Variants in CAPN5 observed in about 807,000 individuals in gnomAD.
The protein encoded by CAPN5 is calpain 5.
CAPN5 carries 54 observed loss-of-function variants against 73.0 expected under a neutral mutation model. That is an observed-to-expected ratio of 0.74 (90% CI 0.59 to 0.93). The LOEUF (loss-of-function observed/expected upper bound fraction) is 0.93. Among genes scored for constraint, CAPN5 ranks in the 40% least tolerant of loss-of-function variants. The pLI is 0.00. For synonymous variants in CAPN5, 335 were observed against 356.9 expected (o/e 0.94, Z 0.69); for missense variants, 785 against 882.9 (o/e 0.89, Z 1.41).
intron 1 of CAPN5, among the ~76,000 whole-genome samples, chr11:77,082,111 G>A (rs1367694993): frequency 6.6e-6 from 1 of 152,052 alleles, no homozygotes; most frequent in Non-Finnish European, 1.5e-5. Context: ...GTGTTAACAG[G>A]TGCTGTCCCA....
intron 2 of CAPN5, chr11:77,087,801 G>C (rs1950104388): frequency 8.7e-7 from 1 of 1,153,458 alleles, no homozygotes; most frequent in Non-Finnish European, 1.2e-6. Flanking sequence ...TGGGGACCTA[G>C]AGCCACCTTG....
At chr11:77,100,807 T>G (rs558457593) in intron 3 of CAPN5, among the ~76,000 whole-genome samples, 2 of 152,346 alleles carry the variant, frequency 1.3e-5, no homozygotes, top group Admixed American at 6.5e-5. Flanking sequence ...TGTGTCCATG[T>G]GGCTAACGTC....
At position 77,071,683 on chromosome 11, in the gene CAPN5, G is replaced by A. The variant is rs1294493759; in HGVS notation, c.-36+4589G>A. 2.2e-5 allele frequency: 10 copies of A among 448,450 alleles called. No individual in the cohort carries two copies. The Admixed American group carries it at 2.4e-4, about 11-fold the overall frequency. 27.8% of individuals were successfully genotyped at this position (448,450 alleles called of 1,614,324 possible). ...CCTCAGTCTCCCCATCTGAGGACGG[G>A]TATGTGGACAGGATGTTGCCCAGCC... On this transcript the variant is annotated intron_variant, in intron 1 of 12. Transcript: ENST00000648180.
intron 1 of CAPN5, among the ~76,000 whole-genome samples, chr11:77,072,839 C>A (rs1259965273): frequency 1.3e-5 from 2 of 152,168 alleles, no homozygotes; most frequent in African/African-American, 2.4e-5. Context: ...TGGTGATAAA[C>A]CCGCCAGATT....
At chr11:77,110,303 G>A (rs538344295) in intron 3 of CAPN5, among the ~76,000 whole-genome samples, 1 of 152,254 alleles carries the variant, frequency 6.6e-6, no homozygotes, top group East Asian at 1.9e-4. Context: ...TGTTGGCCAG[G>A]CTGGTATCGA....
intron 3 of CAPN5, among the ~76,000 whole-genome samples, chr11:77,098,317 G>A (rs1950237555): frequency 2.0e-5 from 2 of 101,600 alleles, no homozygotes; most frequent in Non-Finnish European, 4.2e-5. Flanking sequence ...GCAGCTGGCC[G>A]GGCGGGGGGC....
chr11:77,096,386 G>A (rs1362596059), intron 3 of CAPN5, among the ~76,000 whole-genome samples: 1 of 152,186 alleles, frequency 6.6e-6, no homozygotes, highest in Non-Finnish European at 1.5e-5. Flanking sequence ...CCAGTGCCCA[G>A]GGTCGTGGAG....
chr11:77,109,355 G>A (rs1565273457), intron 3 of CAPN5, among the ~76,000 whole-genome samples: 1 of 152,076 alleles, frequency 6.6e-6, no homozygotes, highest in Non-Finnish European at 1.5e-5. Context: ...TACAGAGACA[G>A]GATAAATTTC....
intron 1 of CAPN5, among the ~76,000 whole-genome samples, chr11:77,067,632 C>CTTGTGTGTGTGTGTGTGTGT (rs376037197): frequency 1.6e-5 from 2 of 126,638 alleles, no homozygotes; most frequent in African/African-American, 6.4e-5. Flanking sequence ...GGCGGGCGCA[C>CTTGTGTGTGTGTGTGTGTGT]GTGTGTGTGT....
rs782018659 is a variant in CAPN5, at chr11:77,112,575, C to T, written c.298-14C>T. On this transcript the variant is annotated splice_polypyrimidine_tract_variant and intron_variant, in intron 3 of 12. Transcript: ENST00000648180. ...ACTGTGTTCCCCCATCCTATCCCCC[C>T]TCCCCCTACCCAGGTCATCCCAGAC... 4.3e-6 allele frequency: 7 copies of T among 1,610,056 alleles called. No individual in the cohort carries two copies. The highest frequency in any genetic ancestry group is 3.3e-5 in the South Asian group (3 of 90,996).
At chr11:77,081,399 T>C (rs1304153895) in intron 1 of CAPN5, among the ~76,000 whole-genome samples, 1 of 152,190 alleles carries the variant, frequency 6.6e-6, no homozygotes, top group African/African-American at 2.4e-5. Flanking sequence ...TGGCCTTATG[T>C]CTGTTGGCTA....
chr11:77,115,283 T>C (rs2135478804), intron 5 of CAPN5, 112 bp from the exon 6 acceptor site: 1 of 790,948 alleles, frequency 1.3e-6, no homozygotes, highest in South Asian at 1.8e-5. Context: ...ATGACTGCAA[T>C]TCCCATCCCA....
rs781941864 is a variant in CAPN5, at chr11:77,118,139, G to A, written c.972-18G>A. The A allele has an allele frequency of 1.2e-6, 2 of 1,603,010 alleles. No homozygotes were observed. The highest frequency in any genetic ancestry group is 1.7e-6 in the Non-Finnish European group (2 of 1,173,360). Reference sequence around the variant, plus strand: ...AGGTGTGGGGGAGGTACCCTGCTCAGCCCCTCCCCACATCCAGGATGACCT... The same window carrying A: ...AGGTGTGGGGGAGGTACCCTGCTCAACCCCTCCCCACATCCAGGATGACCT... On this transcript the variant is annotated intron_variant, in intron 7 of 12. Transcript: ENST00000648180.
At chr11:77,098,419 A>T (rs1555037996) in intron 3 of CAPN5, among the ~76,000 whole-genome samples, 11 of 97,568 alleles carry the variant, frequency 1.1e-4, no homozygotes, top group East Asian at 5.4e-4. Flanking sequence ...CTGGCCGGGC[A>T]GAGGGGCTCC....
chr11:77,119,122 G>A lies in CAPN5; in HGVS notation c.1260G>A (p.Glu420=), dbSNP rs80202956. The part of the protein sequence containing the change: ...KRSTRREGKG[E]NLAIGFDIYK... ...CTACGCGCCGGGAGGGCAAGGGTGA[G>A]AACCTGGCCATTGGCTTTGACATCT... Residue 420 remains glutamate, a synonymous_variant, in exon 9 of 13, where the codon GAG becomes GAA. Coordinates refer to ENST00000648180, the MANE Select transcript of CAPN5 (RefSeq NM_004055.5). The A allele has an allele frequency of 2.5e-6, 4 of 1,613,490 alleles. No homozygotes were observed. Among genetic ancestry groups the A allele is most frequent in the Admixed American group, 1.7e-5 (1 of 59,996 alleles).
At chr11:77,074,046 C>A (rs7126345) in intron 1 of CAPN5, among the ~76,000 whole-genome samples, 93,434 of 152,136 alleles carry the variant, frequency 0.61, 28,921 homozygotes, top group Middle Eastern at 0.68. Context: ...AAGAGACATG[C>A]TTTAAGCATC....
At chr11:77,106,840 G>T (rs1161941938) in intron 3 of CAPN5, among the ~76,000 whole-genome samples, 1 of 152,244 alleles carries the variant, frequency 6.6e-6, no homozygotes, top group Non-Finnish European at 1.5e-5. Context: ...AGCAGGCGCA[G>T]GGCGGAGGGG....
chr11:77,072,979 C>G, intron 1 of CAPN5: 1 of 767,934 alleles, frequency 1.3e-6, no homozygotes, highest in Non-Finnish European at 1.9e-6. Context: ...TGATCAAGTC[C>G]CATTTTGTTA....
intron 2 of CAPN5, among the ~76,000 whole-genome samples, chr11:77,092,028 TG>T (rs1392399057): frequency 6.6e-6 from 1 of 152,168 alleles, no homozygotes; most frequent in Non-Finnish European, 1.5e-5. Context: ...GAGACCAGCC[TG>T]GGCAACATAG....
Sources: allele counts gnomAD v4.1 joint callset (sites outside exome capture counted in the v4.1 genomes callset), GRCh38; gene constraint gnomAD v4.1.1; transcripts MANE v1.5; gene names NCBI Gene and HGNC (gene_info 2026-07-23, HGNC 2026-07-21).